Variants in ATXN2 observed in about 807,000 individuals in gnomAD.
ATXN2 encodes ataxin-2.
A neutral mutation model predicts 138.6 loss-of-function variants in ATXN2; 37 were observed. The ratio of observed to expected loss-of-function variants is 0.27; its 90% CI spans 0.21 to 0.35. ATXN2 has a LOEUF of 0.35. Among genes scored for constraint, ATXN2 ranks in the 10% least tolerant of loss-of-function variants. ATXN2 has a pLI of 1.00. For synonymous variants in ATXN2, 549 were observed against 543.7 expected, an observed-to-expected ratio of 1.01 and a Z score of -0.13; for missense variants, 1,216 against 1,480.3, an observed-to-expected ratio of 0.82 and a Z score of 2.93.
intron 5 of ATXN2, among the ~76,000 whole-genome samples, chr12:111,534,835 T>C (rs1881057269): frequency 1.3e-5 from 2 of 151,974 alleles, no homozygotes; most frequent in Admixed American, 1.3e-4. Flanking sequence ...TATTCTATAC[T>C]AAAAAGAAAA....
intron 10 of ATXN2, among the ~76,000 whole-genome samples, chr12:111,514,107 GATC>G (rs1387754079): frequency 6.6e-6 from 1 of 151,932 alleles, no homozygotes; most frequent in Admixed American, 6.6e-5. Flanking sequence ...CTTCTATCAT[GATC>G]ATCAATTTTA....
intron 20 of ATXN2, among the ~76,000 whole-genome samples, chr12:111,467,308 T>C (rs1241420658): frequency 2.4e-5 from 2 of 82,404 alleles, no homozygotes; most frequent in Non-Finnish European, 4.2e-5. Flanking sequence ...ATGACTGGGC[T>C]TTTTTTTTTT....
At chr12:111,457,120 T>G in intron 22 of ATXN2, 94 bp downstream of exon 22, 3 of 1,419,662 alleles carry the variant, frequency 2.1e-6, no homozygotes, top group Non-Finnish European at 1.9e-6. Flanking sequence ...GGACATGCCA[T>G]GTGTTCTGAC....
Position 111,527,722 on chromosome 12 carries a change from G to A in ATXN2, c.572-2406C>T, listed in dbSNP as rs374538305. Reference sequence around the variant, plus strand: ...TGGGGGTGGAATGGAGCATTCACTAGAAATGGCTGAATTTTGGAAAATCTC... The same window carrying A: ...TGGGGGTGGAATGGAGCATTCACTAAAAATGGCTGAATTTTGGAAAATCTC... On this transcript the variant is annotated intron_variant, in intron 5 of 24. Coordinates refer to ENST00000673436, the MANE Select transcript of ATXN2 (RefSeq NM_001372574.1). Among the ~76,000 whole-genome samples the A allele has an allele frequency of 1.6e-4, 24 of 152,330 alleles. 1 individual carries two copies. Among genetic ancestry groups the A allele is most frequent in the Non-Finnish European group, 1.9e-4 (13 of 68,024 alleles).
At chr12:111,562,671 G>C (rs550312534) in intron 1 of ATXN2, among the ~76,000 whole-genome samples, 1 of 125,048 alleles carries the variant, frequency 8.0e-6, no homozygotes, top group Non-Finnish European at 1.6e-5. Context: ...AGTGAGCCAA[G>C]ATCAGGCCAC....
Position 111,598,155 on chromosome 12 carries a change from G to T in ATXN2, c.251+629C>A. The T allele has an allele frequency of 9.1e-7, 1 of 1,103,154 alleles. No individual in the cohort carries two copies. Among genetic ancestry groups the T allele is most frequent in the Non-Finnish European group, 1.1e-6 (1 of 895,494 alleles). The allele number at this position is 1,103,154 out of a possible 1,614,324, so 68.3% of individuals were successfully genotyped here. A position where few individuals can be genotyped will look rare whatever the true frequency, so the allele number is the denominator to read the frequency against. On this transcript the variant is annotated intron_variant, in intron 1 of 24. Transcript: ENST00000673436. This position sits in a 1 kb window ranked among gnomAD's most constrained non-coding sequence, Gnocchi z 4.5. Reference sequence around the variant, plus strand: ...GCCGCCTCGGACACGAACGCAGAGGGGTGCGGGGGCCAAGGCCCACTTGTC... The same window carrying T: ...GCCGCCTCGGACACGAACGCAGAGGTGTGCGGGGGCCAAGGCCCACTTGTC...
Position 111,488,653 on chromosome 12 carries a change from C to G in ATXN2, c.2063G>C (p.Ser688Thr), listed in dbSNP as rs1429430777. ...PSAKDSFIEN[S>T]SSNCTSGSSK... Reference sequence around the variant, plus strand: ...GCTGCCACTGGTACAGTTGCTGCTGCTATTTTCAATGAAAGAATCCTTAGC... The same window carrying G: ...GCTGCCACTGGTACAGTTGCTGCTGGTATTTTCAATGAAAGAATCCTTAGC... Residue 688 changes from serine to threonine, a missense_variant, in exon 15 of 25, where the codon AGC becomes ACC. By Grantham distance (58) the Ser-to-Thr change is moderately conservative. Coordinates refer to ENST00000673436, the MANE Select transcript of ATXN2 (RefSeq NM_001372574.1). The G allele has an allele frequency of 6.2e-7, 1 of 1,613,966 alleles. No individual in the cohort carries two copies. Among genetic ancestry groups the G allele is most frequent in the South Asian group, 1.1e-5 (1 of 91,086 alleles).
intron 14 of ATXN2, among the ~76,000 whole-genome samples, chr12:111,497,585 C>T (rs1004846242): frequency 2.0e-5 from 3 of 151,854 alleles, no homozygotes; most frequent in African/African-American, 4.8e-5. Context: ...AATCAATAAA[C>T]ATGGTACATC....
At chr12:111,479,414 AAAGAG>A in intron 18 of ATXN2, among the ~76,000 whole-genome samples, 1 of 149,348 alleles carries the variant, frequency 6.7e-6, no homozygotes, top group African/African-American at 2.5e-5. Context: ...AAAAAAAAAA[AAAGAG>A]AGAGAGACAA....
intron 14 of ATXN2, among the ~76,000 whole-genome samples, chr12:111,500,597 G>A (rs779037628): frequency 4.6e-5 from 7 of 152,296 alleles, no homozygotes; most frequent in Middle Eastern, 3.4e-3. Context: ...TTTAAAGGCC[G>A]GGCACGGTGG....
intron 8 of ATXN2, among the ~76,000 whole-genome samples, chr12:111,519,006 T>A (rs1205236637): frequency 6.6e-6 from 1 of 152,168 alleles, no homozygotes; most frequent in Non-Finnish European, 1.5e-5. Flanking sequence ...AGCCCACATA[T>A]GCAATTAGCT....
chr12:111,580,436 TAC>T (rs1883929653), intron 1 of ATXN2, among the ~76,000 whole-genome samples: 1 of 150,480 alleles, frequency 6.6e-6, no homozygotes, highest in South Asian at 2.1e-4. Context: ...AATTCGAGGT[TAC>T]ACAGTTACAG....
chr12:111,510,065 A>G (rs1017672078), intron 12 of ATXN2, 67 bp from the exon 13 acceptor site: 24 of 1,147,954 alleles, frequency 2.1e-5, no homozygotes, highest in Non-Finnish European at 2.7e-5. Context: ...ACACTGAACA[A>G]TAATTTTGAT....
At chr12:111,538,069 C>A (rs1347786184) in intron 5 of ATXN2, among the ~76,000 whole-genome samples, 1 of 151,566 alleles carries the variant, frequency 6.6e-6, no homozygotes, top group African/African-American at 2.4e-5. Context: ...GCACTCCAGC[C>A]TGGACAACAA....
chr12:111,553,698 TCAAA>T (rs1882246771), intron 3 of ATXN2, among the ~76,000 whole-genome samples: 1 of 141,850 alleles, frequency 7.0e-6, no homozygotes, highest in South Asian at 2.5e-4. Flanking sequence ...CCTCCCAGGC[TCAAA>T]CAATCCTCCC....
intron 1 of ATXN2, among the ~76,000 whole-genome samples, chr12:111,572,930 TACA>T (rs1286067608): frequency 1.3e-5 from 2 of 152,128 alleles, no homozygotes; most frequent in Non-Finnish European, 2.9e-5. Context: ...CATGATATCG[TACA>T]ACACTACTTT....
intron 1 of ATXN2, among the ~76,000 whole-genome samples, chr12:111,573,350 C>A (rs536906362): frequency 2.6e-5 from 4 of 152,050 alleles, no homozygotes; most frequent in African/African-American, 9.7e-5. Flanking sequence ...CTTGTCACCA[C>A]GCCTGGCTAA....
intron 5 of ATXN2, among the ~76,000 whole-genome samples, chr12:111,536,785 T>TG (rs1881205655): frequency 6.8e-6 from 1 of 146,110 alleles, no homozygotes; most frequent in African/African-American, 2.6e-5. Flanking sequence ...CAGTTTTTTT[T>TG]TTTTTTTTTT....
At chr12:111,581,111 C>T (rs1344867913) in intron 1 of ATXN2, among the ~76,000 whole-genome samples, 3 of 137,576 alleles carry the variant, frequency 2.2e-5, no homozygotes, top group Non-Finnish European at 4.6e-5. Context: ...ACTCTAGGCT[C>T]GGCAACAGAG....
Sources: gnomAD v4.1 joint callset for allele counts (sites outside exome capture counted in the v4.1 genomes callset) on GRCh38, gnomAD v4.1.1 for gene constraint, Gnocchi (gnomAD v3.1) non-coding constraint, MANE v1.5 for transcripts, NCBI Gene and HGNC (gene_info 2026-07-23, HGNC 2026-07-21) for gene names.